The following CLEC1B variants were observed in gnomAD, a reference collection of about 807,000 sequenced individuals.
The protein encoded by CLEC1B is C-type lectin-like receptor 2.
A neutral mutation model predicts 26.7 loss-of-function variants in CLEC1B; 26 were observed. The observed-to-expected ratio is 0.97, with a 90% CI of 0.71 to 1.35. The LOEUF (loss-of-function observed/expected upper bound fraction) is 1.35. CLEC1B is among the 40% of genes most tolerant of loss of function. The probability of loss-of-function intolerance (pLI) is 0.00; values close to 1 mark genes in which losing one functional copy is unlikely to be tolerated. For synonymous variants in CLEC1B, 112 were observed against 96.0 expected, an observed-to-expected ratio of 1.17 and a Z score of -0.97; for missense variants, 293 against 282.6, an observed-to-expected ratio of 1.04 and a Z score of -0.26.
Position 9,996,900 on chromosome 12 carries a change from C to G in CLEC1B, c.384G>C (p.Gln128His). The change falls in exon 4 of 6, where the codon CAG becomes CAC. Residue 128 changes from glutamine (Q) to histidine (H), a missense_variant. Coordinates refer to ENST00000298527, the MANE Select transcript of CLEC1B (RefSeq NM_016509.4). ...RHNLTWEESKQYCTDMNATLL... is the reference protein window; with the variant it reads ...RHNLTWEESKHYCTDMNATLL... Reference sequence around the variant, plus strand: ...GAGTAGCATTCATGTCAGTGCAGTACTGCTTACTCTCTTCCCATGTTAAGT... The same window carrying G: ...GAGTAGCATTCATGTCAGTGCAGTAGTGCTTACTCTCTTCCCATGTTAAGT... 1 of 1,613,900 alleles carries G rather than the reference C, an allele frequency of 6.2e-7. No homozygotes were observed. Among genetic ancestry groups the G allele is most frequent in the Non-Finnish European group, 8.5e-7 (1 of 1,179,808 alleles).
chr12:9,995,974 T>G (rs1865035426), intron 4 of CLEC1B, among the ~76,000 whole-genome samples: 1 of 152,188 alleles, frequency 6.6e-6, no homozygotes. Flanking sequence ...AATGAAGGAA[T>G]AAGTGAATCA....
At chr12:9,993,406 CAAAAAAAAA>C (rs11412323) in intron 5 of CLEC1B, 119 bp from the exon 6 acceptor site, 3 of 509,768 alleles carry the variant, frequency 5.9e-6, no homozygotes, top group South Asian at 1.9e-5. Flanking sequence ...GAAAAAAAAA[CAAAAAAAAA>C]AACGATTCTC....
intron 5 of CLEC1B, among the ~76,000 whole-genome samples, chr12:9,993,791 G>T (rs1864958655): frequency 6.6e-6 from 1 of 152,104 alleles, no homozygotes; most frequent in East Asian, 1.9e-4. Flanking sequence ...TATTGTAATT[G>T]TCTGTTAAGT....
At chr12:9,994,972 A>T in intron 5 of CLEC1B, 168 bp downstream of exon 5, 1 of 1,503,348 alleles carries the variant, frequency 6.7e-7, no homozygotes, top group Non-Finnish European at 8.9e-7. Context: ...AATGGGAGAG[A>T]GGGGAAAGAA....
chr12:9,994,758 G>A (rs1864990116), intron 5 of CLEC1B, among the ~76,000 whole-genome samples: 1 of 152,038 alleles, frequency 6.6e-6, no homozygotes, highest in Non-Finnish European at 1.5e-5. Flanking sequence ...ATAATGATAT[G>A]AAATTTTGTT....
At chr12:9,997,332 T>C in intron 2 of CLEC1B, 53 bp from the exon 3 acceptor site, 1 of 1,500,842 alleles carries the variant, frequency 6.7e-7, no homozygotes, top group Non-Finnish European at 9.1e-7. Flanking sequence ...ATAGAAATGA[T>C]GCAAAGGTCT....
At chr12:9,994,951 A>T in intron 5 of CLEC1B, 189 bp downstream of exon 5, 1 of 1,444,046 alleles carries the variant, frequency 6.9e-7, no homozygotes. Context: ...GGCTTAGATA[A>T]AGAGCAAAGT....
chr12:9,995,123 A>G lies in CLEC1B; in HGVS notation c.545+17T>C, dbSNP rs61917158. The G allele has an allele frequency of 0.027, 42,851 of 1,610,206 alleles. 661 individuals are homozygous for G. Among genetic ancestry groups the G allele is most frequent in the Non-Finnish European group, 0.031 (36,032 of 1,176,838 alleles). ...GTTTCCAGTACTCCCTCCTATTCTAAGTGTCCAGTGACTTACATATTTTCT... is the reference window on the plus strand; with the variant it reads ...GTTTCCAGTACTCCCTCCTATTCTAGGTGTCCAGTGACTTACATATTTTCT... On this transcript the variant is annotated intron_variant, in intron 5 of 5. Transcript: ENST00000298527.
chr12:9,997,082 CT>C, intron 3 of CLEC1B, 77 bp downstream of exon 3: 1 of 1,608,894 alleles, frequency 6.2e-7, no homozygotes, highest in South Asian at 1.1e-5. Context: ...TTCTGCAGAT[CT>C]CAAACTCCCT....
chr12:9,998,140 G>A, intron 2 of CLEC1B, 142 bp downstream of exon 2: 1 of 656,132 alleles, frequency 1.5e-6, no homozygotes, highest in East Asian at 2.6e-5. Context: ...CCTTTATTGA[G>A]ATTCTCTTGG....
chr12:9,999,228 T>C (rs1591854109), upstream of CLEC1B: 1 of 570,856 alleles, frequency 1.8e-6, no homozygotes. Flanking sequence ...CCATGTGAGA[T>C]GGGACACATT....
At chr12:9,993,704 A>G (rs977686443) in intron 5 of CLEC1B, among the ~76,000 whole-genome samples, 11 of 152,128 alleles carry the variant, frequency 7.2e-5, no homozygotes, top group African/African-American at 2.7e-4. Flanking sequence ...GAATACGCTC[A>G]TGGAAAAGTG....
chr12:9,999,384 C>G (rs915923485), upstream of CLEC1B: 1 of 267,168 alleles, frequency 3.7e-6, no homozygotes, highest in African/African-American at 2.2e-5. Flanking sequence ...TTTTTATCTT[C>G]AACACTAAAT....
chr12:10,001,289 C>T (rs1865156244), upstream of CLEC1B, among the ~76,000 whole-genome samples: 1 of 152,158 alleles, frequency 6.6e-6, no homozygotes, highest in East Asian at 1.9e-4. Flanking sequence ...AGGATTAGTT[C>T]TTGATCCTTT....
At chr12:9,995,118 T>C (rs765691685) in intron 5 of CLEC1B, 22 bp downstream of exon 5, 1 of 1,609,962 alleles carries the variant, frequency 6.2e-7, no homozygotes, top group Non-Finnish European at 8.5e-7. Context: ...CTCCCTCCTA[T>C]TCTAAGTGTC....
At chr12:9,993,368 T>A (rs756482969) in intron 5 of CLEC1B, 81 bp from the exon 6 acceptor site, 1 of 1,059,474 alleles carries the variant, frequency 9.4e-7, no homozygotes, top group Non-Finnish European at 1.4e-6. Flanking sequence ...AGTAGTTTGA[T>A]GCACCAAATA....
rs1245409475 is a variant in CLEC1B at position 9,993,164 on chromosome 12, G to C, written c.669C>G (p.Thr223=). Residue 223 remains threonine, a synonymous_variant, in exon 6 of 6, where the codon ACC becomes ACG. Coordinates refer to ENST00000298527, the MANE Select transcript of CLEC1B (RefSeq NM_016509.4). ...TGCATTAAGGTAGTTGGTCCACCTT[G>C]GTCATGCCAGCCTTCCTCTCACACA... ...YLMCERKAGM[T]KVDQLP The C allele has an allele frequency of 1.9e-6, 3 of 1,611,330 alleles. No homozygotes were observed. The highest frequency in any genetic ancestry group is 2.5e-6 in the Non-Finnish European group (3 of 1,178,712).
chr12:9,998,151 C>T, intron 2 of CLEC1B, 131 bp downstream of exon 2: 2 of 685,044 alleles, frequency 2.9e-6, no homozygotes, highest in Non-Finnish European at 5.3e-6. Flanking sequence ...ATTCTCTTGG[C>T]AACTATCTGT....
At chr12:9,999,805 G>C (rs1251218640), upstream of CLEC1B, among the ~76,000 whole-genome samples, 1 of 152,168 alleles carries the variant, frequency 6.6e-6, no homozygotes, top group African/African-American at 2.4e-5. Flanking sequence ...AGTAGTGTTT[G>C]TGCTTTAAAG....
Sources: gnomAD v4.1 joint callset for allele counts (sites outside exome capture counted in the v4.1 genomes callset) on GRCh38, gnomAD v4.1.1 for gene constraint, MANE v1.5 for transcripts, NCBI Gene and HGNC (gene_info 2026-07-23, HGNC 2026-07-21) for gene names.